KLHL20: variants seen among roughly 807,000 people sequenced by gnomAD.
KLHL20 encodes the protein kelch like family member 20.
KLHL20 carries 29 observed loss-of-function variants against 69.5 expected under a neutral mutation model. The ratio of observed to expected loss-of-function variants is 0.42; its 90% confidence interval spans 0.31 to 0.57. KLHL20 has a LOEUF of 0.57. KLHL20 is among the 20% of genes least tolerant of loss of function. The pLI, the probability that KLHL20 is intolerant of heterozygous loss-of-function variation, is 0.18. For synonymous variants in KLHL20, 253 were observed against 265.2 expected, an observed-to-expected ratio of 0.95 and a Z score of 0.45; for missense variants, 419 against 776.0, an observed-to-expected ratio of 0.54 and a Z score of 5.47.
At chr1:173,722,323 T>C (rs1313322308) in intron 2 of KLHL20, among the ~76,000 whole-genome samples, 1 of 152,076 alleles carries the variant, frequency 6.6e-6, no homozygotes, top group Non-Finnish European at 1.5e-5. Context: ...GAAAATTATA[T>C]GGATGGACAC....
chr1:173,769,274 A>C (rs1296573655), intron 8 of KLHL20, among the ~76,000 whole-genome samples: 1 of 152,112 alleles, frequency 6.6e-6, no homozygotes. Context: ...AGGGGATGAG[A>C]AAGGGGGGAT....
At chr1:173,742,711 T>C (rs1402231323) in intron 3 of KLHL20, among the ~76,000 whole-genome samples, 1 of 151,050 alleles carries the variant, frequency 6.6e-6, no homozygotes, top group Non-Finnish European at 1.5e-5. Context: ...CATATACATA[T>C]GTACACATGT....
chr1:173,759,716 C>G (rs1673708079), intron 7 of KLHL20, among the ~76,000 whole-genome samples: 1 of 152,188 alleles, frequency 6.6e-6, no homozygotes, highest in African/African-American at 2.4e-5. Flanking sequence ...ACAAAAGAAT[C>G]TGAACGATAG....
At chr1:173,734,528 A>T (rs6673879) in intron 3 of KLHL20, 11,238 of 480,256 alleles carry the variant, frequency 0.023, 166 homozygotes, top group Middle Eastern at 0.052. Context: ...TTAAAAAAAA[A>T]TTTTTAAAAA....
intron 5 of KLHL20, among the ~76,000 whole-genome samples, chr1:173,754,004 A>C (rs1008377664): frequency 2.6e-5 from 4 of 152,306 alleles, no homozygotes; most frequent in African/African-American, 9.6e-5. Flanking sequence ...CCAAATATAA[A>C]AGTGAAAGAG....
intron 3 of KLHL20, among the ~76,000 whole-genome samples, chr1:173,750,822 A>C (rs1034217708): frequency 6.6e-6 from 1 of 152,076 alleles, no homozygotes; most frequent in African/African-American, 2.4e-5. Context: ...CAGCCTCCCA[A>C]ATTGCTAGGA....
intron 2 of KLHL20, among the ~76,000 whole-genome samples, chr1:173,724,868 G>A (rs1373162539): frequency 1.3e-5 from 2 of 152,124 alleles, no homozygotes; most frequent in Admixed American, 6.5e-5. Context: ...CATAATAAAA[G>A]TATTTTAGGT....
intron 8 of KLHL20, among the ~76,000 whole-genome samples, chr1:173,773,888 C>T (rs989954689): frequency 1.3e-5 from 2 of 151,994 alleles, no homozygotes; most frequent in Admixed American, 6.6e-5. Flanking sequence ...TGGCAGGCAC[C>T]TGTAGTCCCA....
At chr1:173,720,509 T>A (rs1225151937) in intron 2 of KLHL20, among the ~76,000 whole-genome samples, 1 of 152,188 alleles carries the variant, frequency 6.6e-6, no homozygotes, top group African/African-American at 2.4e-5. Context: ...TAAGAGCCAA[T>A]GGACATTATT....
rs1648290167 is a variant in KLHL20 at position 173,774,055 on chromosome 1, G to A, written c.1296-250G>A. Among the ~76,000 whole-genome samples, 3 of 151,732 alleles carry A rather than the reference G, an allele frequency of 2.0e-5. No homozygotes were observed. In the South Asian group the frequency reaches 6.3e-4, roughly 32 times the overall value. On this transcript the variant is annotated intron_variant, in intron 8 of 11. Coordinates refer to ENST00000209884, the MANE Select transcript of KLHL20 (RefSeq NM_014458.4). Reference sequence around the variant, plus strand: ...AAGAGAAAGAGCCTGTGTTATGTGAGCTGAAGTCATAGGTTGTTTTCTTTC... The same window carrying A: ...AAGAGAAAGAGCCTGTGTTATGTGAACTGAAGTCATAGGTTGTTTTCTTTC...
intron 3 of KLHL20, among the ~76,000 whole-genome samples, chr1:173,742,276 A>T (rs1672840046): frequency 6.6e-6 from 1 of 152,202 alleles, no homozygotes; most frequent in African/African-American, 2.4e-5. Flanking sequence ...AAATTAGTAC[A>T]ACCCTTTTGA....
chr1:173,745,760 A>G (rs558240970), intron 3 of KLHL20, among the ~76,000 whole-genome samples: 2 of 152,308 alleles, frequency 1.3e-5, no homozygotes, highest in African/African-American at 2.4e-5. Context: ...TAATGGAAAT[A>G]TTGTACATAC....
chr1:173,758,957 GGGA>G (rs1187168716), intron 7 of KLHL20, among the ~76,000 whole-genome samples: 3 of 152,194 alleles, frequency 2.0e-5, no homozygotes, highest in Admixed American at 2.0e-4. Context: ...TCTTGCAGCT[GGGA>G]GGCGGATAGC....
intron 3 of KLHL20, among the ~76,000 whole-genome samples, chr1:173,743,933 T>G (rs1456293225): frequency 6.6e-6 from 1 of 152,112 alleles, no homozygotes; most frequent in Non-Finnish European, 1.5e-5. Context: ...TTAGGTAGCT[T>G]TAAATATTTT....
chr1:173,728,727 G>A lies in KLHL20; in HGVS notation c.24-4986G>A, dbSNP rs376356544. Among the ~76,000 whole-genome samples the A allele has an allele frequency of 4.6e-5, 7 of 152,086 alleles. No individual in the cohort carries two copies. The East Asian group carries it at 9.7e-4, about 21-fold the overall frequency. ...AAGACACAACATACCAGAATCTCTGGGACACATTCAAAGCAGTGTGTAGAG... is the reference window on the plus strand; with the variant it reads ...AAGACACAACATACCAGAATCTCTGAGACACATTCAAAGCAGTGTGTAGAG... On this transcript the variant is annotated intron_variant, in intron 2 of 11. Coordinates refer to ENST00000209884, the MANE Select transcript of KLHL20 (RefSeq NM_014458.4).
At position 173,775,726 on chromosome 1, in the gene KLHL20, A is replaced by T. The variant is rs1254006151; in HGVS notation, c.1522A>T (p.Met508Leu). The change falls in exon 10 of 12, where the codon ATG becomes TTG. Residue 508 changes from methionine to leucine, a missense_variant. Physicochemically the swap from Met to Leu is conservative, Grantham distance 15. Transcript: ENST00000209884. ...CCTAGGCTGTGCAGTATATCAGGAC[A>T]TGATCTATGCTGTAGGAGGTAGAGA... ...KHLGCAVYQD[M>L]IYAVGGRDDT... 2 of 1,614,078 alleles carry T rather than the reference A, an allele frequency of 1.2e-6. No individual in the cohort carries two copies. The highest frequency in any genetic ancestry group is 3.3e-5 in the Admixed American group (2 of 59,994).
Position 173,785,275 on chromosome 1 carries a change from T to A in KLHL20, c.*28T>A, listed in dbSNP as rs1308690636. Reference sequence around the variant, plus strand: ...ACAGAGAAGACAGTCTTGTATATATTCCTCTGTATTCTGGGGAGCTTTGAC... The same window carrying A: ...ACAGAGAAGACAGTCTTGTATATATACCTCTGTATTCTGGGGAGCTTTGAC... On this transcript the variant is annotated 3_prime_UTR_variant, in exon 12 of 12. Transcript: ENST00000209884. The A allele has an allele frequency of 1.3e-6, 2 of 1,506,238 alleles. No homozygotes were observed. The highest frequency in any genetic ancestry group is 2.4e-5 in the South Asian group (2 of 82,022). The allele number at this position is 1,506,238 out of a possible 1,614,324, so 93.3% of individuals were successfully genotyped here.
chr1:173,764,938 A>G (rs1368677732), intron 7 of KLHL20, among the ~76,000 whole-genome samples: 1 of 152,200 alleles, frequency 6.6e-6, no homozygotes, highest in Admixed American at 6.5e-5. Flanking sequence ...AGAAATAGCT[A>G]AATATTTATG....
At chr1:173,770,741 A>ATTTTT (rs1648040377) in intron 8 of KLHL20, among the ~76,000 whole-genome samples, 2 of 152,130 alleles carry the variant, frequency 1.3e-5, no homozygotes, top group Non-Finnish European at 2.9e-5. Context: ...GATAGTAACA[A>ATTTTT]ATATTGAAAA....
Sources: gnomAD v4.1 joint callset for allele counts (sites outside exome capture counted in the v4.1 genomes callset) on GRCh38, gnomAD v4.1.1 for gene constraint, MANE v1.5 for transcripts, NCBI Gene and HGNC (gene_info 2026-07-23, HGNC 2026-07-21) for gene names.